Variants in PPP3CA observed in about 807,000 individuals in gnomAD.
PPP3CA encodes protein phosphatase 3 catalytic subunit alpha.
A neutral mutation model predicts 66.5 loss-of-function variants in PPP3CA; 14 were observed. That is an observed-to-expected ratio of 0.21 (90% CI 0.14 to 0.33). The LOEUF is 0.33. PPP3CA is among the 10% of genes least tolerant of loss of function. The pLI is 1.00. For synonymous variants in PPP3CA, 232 were observed against 226.2 expected, an observed-to-expected ratio of 1.03 and a Z score of -0.23; for missense variants, 317 against 639.5, an observed-to-expected ratio of 0.50 and a Z score of 5.44.
rs1724776603 is a variant in PPP3CA at position 101,195,977 on chromosome 4, T to C, written c.198A>G (p.Thr66=). 4 of 1,613,986 alleles carry C rather than the reference T, an allele frequency of 2.5e-6. No homozygotes were observed. Among genetic ancestry groups the C allele is most frequent in the Non-Finnish European group, 3.4e-6 (4 of 1,179,982 alleles). The change falls in exon 2 of 14, where the codon ACA becomes ACG. Residue 66 remains threonine, a synonymous_variant. Coordinates refer to ENST00000394854, the MANE Select transcript of PPP3CA (RefSeq NM_000944.5). The part of the protein sequence containing the change: ...LEESVALRII[T]EGASILRQEK... Reference sequence around the variant, plus strand: ...CCTGTCGAAGAATTGATGCACCCTCTGTTATTATTCTCAATGCAACACTCT... The same window carrying C: ...CCTGTCGAAGAATTGATGCACCCTCCGTTATTATTCTCAATGCAACACTCT...
intron 2 of PPP3CA, among the ~76,000 whole-genome samples, chr4:101,140,806 GTCTC>G (rs1476302272): frequency 6.6e-6 from 1 of 152,112 alleles, no homozygotes; most frequent in Non-Finnish European, 1.5e-5. Flanking sequence ...TTATGATTCT[GTCTC>G]TCCATCCACA....
rs72929331 is a variant in PPP3CA at position 101,085,581 on chromosome 4, A to G, written c.783-2318T>C. Among the ~76,000 whole-genome samples, 401 of 152,270 alleles carry G rather than the reference A, an allele frequency of 2.6e-3. 3 individuals are homozygous for G. Among genetic ancestry groups the G allele is most frequent in the African/African-American group, 9.4e-3 (390 of 41,560 alleles). The stretch of plus-strand genomic sequence containing the variant: ...CTTGGAGGGAATTCATTTTGAAGAA[A>G]AACTTCAGACATTTTCAAAACATAT... On this transcript the variant is annotated intron_variant, in intron 6 of 13. Transcript: ENST00000394854.
At chr4:101,269,399 T>C (rs1438993918) in intron 1 of PPP3CA, among the ~76,000 whole-genome samples, 1 of 151,918 alleles carries the variant, frequency 6.6e-6, no homozygotes, top group African/African-American at 2.4e-5. Context: ...CCAAACTACC[T>C]TTTTAAATCT....
intron 1 of PPP3CA, among the ~76,000 whole-genome samples, chr4:101,258,724 CAGAA>C (rs1331471742): frequency 1.3e-5 from 2 of 152,044 alleles, no homozygotes; most frequent in Non-Finnish European, 2.9e-5. Flanking sequence ...TGCTAAAACT[CAGAA>C]AGAAAGGAGA....
intron 1 of PPP3CA, among the ~76,000 whole-genome samples, chr4:101,207,930 G>A (rs749950274): frequency 5.9e-5 from 9 of 151,838 alleles, no homozygotes; most frequent in Non-Finnish European, 1.3e-4. Context: ...CATGATATAT[G>A]ACTTTGGTTC....
In PPP3CA at chr4:101,036,130, A is replaced by G. The variant is rs560697949; in HGVS notation, c.1242-3766T>C. ...AAAATGTCCCTTTAATAAGTGTTAT[A>G]TTGATCAAATGTCAAAGTGATAAAA... On this transcript the variant is annotated intron_variant, in intron 11 of 13. Coordinates refer to ENST00000394854, the MANE Select transcript of PPP3CA (RefSeq NM_000944.5). Among the ~76,000 whole-genome samples the G allele has an allele frequency of 1.5e-3, 228 of 152,346 alleles. 1 individual carries two copies. The highest frequency in any genetic ancestry group is 6.8e-3 in the Middle Eastern group (2 of 294).
At position 101,048,733 on chromosome 4, in the gene PPP3CA, T is replaced by A. The variant is rs886129742; in HGVS notation, c.1157-8167A>T. 5.3e-5 allele frequency among the ~76,000 whole-genome samples: 8 copies of A among 152,168 alleles called. No individual in the cohort carries two copies. The South Asian group carries it at 1.7e-3, about 32-fold the overall frequency. Reference sequence around the variant, plus strand: ...GATAAAATTGGGACATAATAGCCACTCACTCCAAATCACTCTAAAGCAAAT... The same window carrying A: ...GATAAAATTGGGACATAATAGCCACACACTCCAAATCACTCTAAAGCAAAT... On this transcript the variant is annotated intron_variant, in intron 10 of 13. Coordinates refer to ENST00000394854, the MANE Select transcript of PPP3CA (RefSeq NM_000944.5).
chr4:101,151,187 AT>A (rs1723125232), intron 2 of PPP3CA, among the ~76,000 whole-genome samples: 1 of 152,218 alleles, frequency 6.6e-6, no homozygotes, highest in Non-Finnish European at 1.5e-5. Context: ...AGATTTGAAT[AT>A]AATGGTTGAA....
At chr4:101,065,715 C>CT (rs1482959039) in intron 8 of PPP3CA, among the ~76,000 whole-genome samples, 2 of 152,030 alleles carry the variant, frequency 1.3e-5, no homozygotes, top group Non-Finnish European at 2.9e-5. Flanking sequence ...GAATTCTAGT[C>CT]CTAGCTGTTA....
chr4:101,101,631 A>G (rs1024185697), intron 3 of PPP3CA, among the ~76,000 whole-genome samples: 1 of 152,016 alleles, frequency 6.6e-6, no homozygotes, highest in African/African-American at 2.4e-5. Context: ...CTACTTTTTT[A>G]AAGTTTTTTT....
At chr4:101,296,836 A>C (rs1183878877) in intron 1 of PPP3CA, among the ~76,000 whole-genome samples, 1 of 152,208 alleles carries the variant, frequency 6.6e-6, no homozygotes, top group African/African-American at 2.4e-5. Context: ...TTATAGCTGA[A>C]GTTAGTCAAT....
chr4:101,118,956 A>ATTTTT lies in PPP3CA; in HGVS notation c.260-9883_260-9879dup, dbSNP rs201507463. On this transcript the variant is annotated intron_variant, in intron 2 of 13. Transcript: ENST00000394854. ...CTATAAGGAGACTCAGAACTTACAGATTTTTTTTTTTTTTTTTTTTTTTAA... is the reference window on the plus strand; with the variant it reads ...CTATAAGGAGACTCAGAACTTACAGATTTTTTTTTTTTTTTTTTTTTTTTTTTTAA... 7.0e-3 allele frequency among the ~76,000 whole-genome samples: 904 copies of ATTTTT among 129,890 alleles called. 20 individuals are homozygous for ATTTTT. The highest frequency in any genetic ancestry group is 0.025 in the African/African-American group (859 of 33,760). The allele number at this position is 129,890 out of a possible 152,430, so 85.2% of individuals were successfully genotyped here. A position where few individuals can be genotyped will look rare whatever the true frequency, so the allele number is the denominator to read the frequency against.
intron 2 of PPP3CA, among the ~76,000 whole-genome samples, chr4:101,137,786 T>A (rs1035639933): frequency 7.9e-5 from 12 of 151,724 alleles, no homozygotes; most frequent in African/African-American, 2.9e-4. Context: ...CTAATCTAAA[T>A]GTGTCATAAG....
intron 1 of PPP3CA, among the ~76,000 whole-genome samples, chr4:101,202,289 T>A (rs1198926720): frequency 6.6e-6 from 1 of 152,290 alleles, no homozygotes; most frequent in East Asian, 1.9e-4. Context: ...CATATGCCAG[T>A]TGAAGTATAA....
At chr4:101,217,568 G>A (rs1339453034) in intron 1 of PPP3CA, among the ~76,000 whole-genome samples, 1 of 152,122 alleles carries the variant, frequency 6.6e-6, no homozygotes, top group Non-Finnish European at 1.5e-5. Context: ...GACTACATAG[G>A]TGTGGGCATT....
intron 3 of PPP3CA, among the ~76,000 whole-genome samples, chr4:101,106,047 T>C (rs929848714): frequency 6.6e-6 from 1 of 152,028 alleles, no homozygotes; most frequent in Non-Finnish European, 1.5e-5. Context: ...CAGGCCAGAA[T>C]ACAGGTTTGC....
chr4:101,230,463 G>A (rs1013095595), intron 1 of PPP3CA, among the ~76,000 whole-genome samples: 26 of 151,462 alleles, frequency 1.7e-4, no homozygotes, highest in Admixed American at 4.0e-4. Flanking sequence ...CAGCTGCAGC[G>A]AGCCATGATA....
At chr4:101,198,873 C>T (rs777515898) in intron 1 of PPP3CA, among the ~76,000 whole-genome samples, 3 of 152,074 alleles carry the variant, frequency 2.0e-5, no homozygotes, top group Non-Finnish European at 2.9e-5. Context: ...GATATTGGCG[C>T]TGGTTCCAAA....
chr4:101,067,457 A>C (rs114562001), intron 8 of PPP3CA, among the ~76,000 whole-genome samples: 11 of 152,130 alleles, frequency 7.2e-5, no homozygotes, highest in Non-Finnish European at 1.5e-4. Flanking sequence ...TCTGTCTACC[A>C]AGCCATGTAC....
Sources: gnomAD v4.1 joint callset for allele counts (sites outside exome capture counted in the v4.1 genomes callset) on GRCh38, gnomAD v4.1.1 for gene constraint, MANE v1.5 for transcripts, NCBI Gene and HGNC (gene_info 2026-07-23, HGNC 2026-07-21) for gene names.